The following SLCO4C1 variants were observed in gnomAD, a reference collection of about 807,000 sequenced individuals.
The protein encoded by SLCO4C1 is solute carrier organic anion transporter family member 4C1.
In SLCO4C1, 58 loss-of-function variants were observed where a neutral mutation model predicts 72.1. That is an observed-to-expected ratio of 0.80 (90% CI 0.65 to 1.00). SLCO4C1 has a LOEUF of 1.00. SLCO4C1 is among the 50% of genes least tolerant of loss of function. The probability of loss-of-function intolerance (pLI) is 0.00; values close to 1 mark genes in which losing one functional copy is unlikely to be tolerated. For missense variants in SLCO4C1, 898 were observed against 857.9 expected, an observed-to-expected ratio of 1.05 and a Z score of -0.58; for synonymous variants, 297 against 312.5, an observed-to-expected ratio of 0.95 and a Z score of 0.52.
At chr5:102,248,647 G>T (rs1170609002) in intron 9 of SLCO4C1, among the ~76,000 whole-genome samples, 1 of 151,850 alleles carries the variant, frequency 6.6e-6, no homozygotes, top group East Asian at 1.9e-4. Flanking sequence ...GCATTTATTG[G>T]TCATATATAC....
intron 1 of SLCO4C1, among the ~76,000 whole-genome samples, chr5:102,294,953 T>G (rs1277816681): frequency 1.3e-5 from 2 of 152,208 alleles, no homozygotes; most frequent in African/African-American, 4.8e-5. Flanking sequence ...CAGAAAATAT[T>G]CTCGGACTAT....
At chr5:102,242,985 A>G (rs981183028) in intron 10 of SLCO4C1, among the ~76,000 whole-genome samples, 1 of 152,168 alleles carries the variant, frequency 6.6e-6, no homozygotes, top group Non-Finnish European at 1.5e-5. Flanking sequence ...CTGAAGGGTG[A>G]GTCCCAGCCC....
At chr5:102,261,882 C>A (rs759802600) in intron 5 of SLCO4C1, 30 bp downstream of exon 5, 3 of 1,585,264 alleles carry the variant, frequency 1.9e-6, no homozygotes, top group Non-Finnish European at 2.6e-6. Flanking sequence ...TTAAAATAAA[C>A]CTCTCTGGTT....
Position 102,260,200 on chromosome 5 carries a change from A to G in SLCO4C1, c.1128+13T>C. 1 of 1,116,024 alleles carries G rather than the reference A, an allele frequency of 9.0e-7. No homozygotes were observed. The highest frequency in any genetic ancestry group is 1.2e-6 in the Non-Finnish European group (1 of 827,520). 69.1% of individuals were successfully genotyped at this position (1,116,024 alleles called of 1,614,324 possible). ...TGAGACTGAGAGAGAGACAGAGAAG[A>G]ATTTTATTTTACCTTTAGAGCAGCT... On this transcript the variant is annotated intron_variant, in intron 6 of 12. Coordinates refer to ENST00000310954, the MANE Select transcript of SLCO4C1 (RefSeq NM_180991.5).
chr5:102,252,054 G>A (rs1449168805), intron 8 of SLCO4C1, among the ~76,000 whole-genome samples: 7 of 150,952 alleles, frequency 4.6e-5, no homozygotes, highest in Non-Finnish European at 8.9e-5. Flanking sequence ...GGAGAAAAGC[G>A]AGAAGGAAGG....
intron 3 of SLCO4C1, among the ~76,000 whole-genome samples, chr5:102,267,833 T>C (rs1343947585): frequency 6.6e-6 from 1 of 152,084 alleles, no homozygotes; most frequent in African/African-American, 2.4e-5. Flanking sequence ...AATTCCTTCT[T>C]AATTTCTTCA....
chr5:102,238,172 G>A (rs1474462021), intron 12 of SLCO4C1, among the ~76,000 whole-genome samples: 1 of 152,010 alleles, frequency 6.6e-6, no homozygotes, highest in African/African-American at 2.4e-5. Context: ...AAAATTTTAA[G>A]GTTTTATATA....
chr5:102,271,725 A>AT (rs1327443718), intron 2 of SLCO4C1, among the ~76,000 whole-genome samples: 1 of 151,934 alleles, frequency 6.6e-6, no homozygotes, highest in Non-Finnish European at 1.5e-5. Context: ...AATTAGTTCA[A>AT]TTTTCCTAGG....
At position 102,280,282 on chromosome 5, in the gene SLCO4C1, A is replaced by T. The variant is rs558113926; in HGVS notation, c.620-9476T>A. Among the ~76,000 whole-genome samples, 460 of 152,040 alleles carry T rather than the reference A, an allele frequency of 3.0e-3. 6 individuals carry two copies. The highest frequency in any genetic ancestry group is 0.023 in the South Asian group (113 of 4,816). ...AGAATACACAATAAAACATACAAAA[A>T]TCTACCGTATTTCCATATACTGGCA... On this transcript the variant is annotated intron_variant, in intron 2 of 12. Transcript: ENST00000310954.
chr5:102,241,812 T>C (rs184457151), intron 10 of SLCO4C1, among the ~76,000 whole-genome samples: 2 of 151,872 alleles, frequency 1.3e-5, no homozygotes, highest in African/African-American at 2.4e-5. Flanking sequence ...TGGAACAAGA[T>C]GATAGACTGA....
intron 3 of SLCO4C1, among the ~76,000 whole-genome samples, chr5:102,270,059 T>C (rs1481127296): frequency 6.6e-6 from 1 of 152,084 alleles, no homozygotes; most frequent in East Asian, 1.9e-4. Context: ...CTATGTTAGA[T>C]TAACAGACTG....
In SLCO4C1 at chr5:102,257,101, T is replaced by C. The variant is rs1184748676; in HGVS notation, c.1469+14A>G. On this transcript the variant is annotated intron_variant, in intron 8 of 12. Transcript: ENST00000310954. ...TTCTGGTATTAATATCAAAAAGCAC[T>C]GAATTGTATTTACCCATTATATGAT... is the stretch of plus-strand genomic sequence containing the variant. 2.0e-6 allele frequency: 3 copies of C among 1,489,098 alleles called. No homozygotes were observed. The highest frequency in any genetic ancestry group is 2.4e-5 in the Admixed American group (1 of 42,060). The allele number at this position is 1,489,098 out of a possible 1,614,324, so 92.2% of individuals were successfully genotyped here.
Position 102,295,327 on chromosome 5 carries a change from G to C in SLCO4C1, c.355+581C>G, listed in dbSNP as rs117996831. 3.3e-4 allele frequency among the ~76,000 whole-genome samples: 51 copies of C among 152,270 alleles called. No homozygotes were observed. The East Asian group carries it at 7.9e-3, about 24-fold the overall frequency. ...GAAGATTAAGGCTCAACAACGTCGG[G>C]AGCCTTTGCTAATTTACTCACTGGG... On this transcript the variant is annotated intron_variant, in intron 1 of 12. Transcript: ENST00000310954.
At chr5:102,280,138 A>T (rs766006158) in intron 2 of SLCO4C1, among the ~76,000 whole-genome samples, 37 of 151,116 alleles carry the variant, frequency 2.4e-4, no homozygotes, top group Non-Finnish European at 4.9e-4. Flanking sequence ...TTAGTGCCAT[A>T]CAGAAGGTAC....
At chr5:102,272,948 AAAAGAAAG>A (rs376676176) in intron 2 of SLCO4C1, among the ~76,000 whole-genome samples, 71 of 151,848 alleles carry the variant, frequency 4.7e-4, no homozygotes, top group African/African-American at 1.6e-3. Flanking sequence ...TCATCTCAAA[AAAAGAAAG>A]AAAGAAAGAA....
chr5:102,256,482 T>G (rs143061871), intron 8 of SLCO4C1, among the ~76,000 whole-genome samples: 60 of 152,362 alleles, frequency 3.9e-4, no homozygotes, highest in African/African-American at 1.3e-3. Context: ...AGGTATAAAA[T>G]GCACTGCTGT....
Position 102,235,638 on chromosome 5 carries a change from C to T in SLCO4C1, c.*1220G>A, listed in dbSNP as rs115276030. 3.9e-3 allele frequency: 595 copies of T among 152,440 alleles called. 6 individuals are homozygous for T. Among genetic ancestry groups the T allele is most frequent in the African/African-American group, 0.013 (537 of 41,590 alleles). 9.4% of individuals were successfully genotyped at this position (152,440 alleles called of 1,614,324 possible). A position where few individuals can be genotyped will look rare whatever the true frequency, so the allele number is the denominator to read the frequency against. On this transcript the variant is annotated 3_prime_UTR_variant, in exon 13 of 13. Coordinates refer to ENST00000310954, the MANE Select transcript of SLCO4C1 (RefSeq NM_180991.5). ...GTGAGCTGAGAGGCAGGTGAGTGAG[C>T]ATTACTGCCTGAGCTCCACCTCTTG...
Position 102,236,601 on chromosome 5 carries a change from TG to T in SLCO4C1, c.*256del, listed in dbSNP as rs1561362702. On this transcript the variant is annotated 3_prime_UTR_variant, in exon 13 of 13. Transcript: ENST00000310954. The stretch of plus-strand genomic sequence containing the variant: ...GTGTGCGTGTGTGTGTGTGTGTGTG[TG>T]TTCGTGTGTGTGTGTGTGTGTGTGC... 1.0e-4 allele frequency: 35 copies of T among 347,602 alleles called. No individual in the cohort carries two copies. Among genetic ancestry groups the T allele is most frequent in the African/African-American group, 8.0e-4 (32 of 40,040 alleles). The allele number at this position is 347,602 out of a possible 1,614,324, so 21.5% of individuals were successfully genotyped here. A position where few individuals can be genotyped will look rare whatever the true frequency, so the allele number is the denominator to read the frequency against.
Position 102,240,753 on chromosome 5 carries a change from G to T in SLCO4C1, c.1841C>A (p.Ala614Asp). 1 of 1,611,756 alleles carries T rather than the reference G, an allele frequency of 6.2e-7. No homozygotes were observed. The highest frequency in any genetic ancestry group is 1.1e-5 in the South Asian group (1 of 90,774). The change falls in exon 11 of 13, where the codon GCC becomes GAC. Residue 614 changes from alanine (A) to aspartate (D), a missense_variant. Transcript: ENST00000310954. The stretch of plus-strand genomic sequence containing the variant: ...AAGGACCATAAATTGTATTCCCAAG[G>T]CTAGGGACCGTTGTCTGTGATTAAC... ...RCVNHRQRSL[A>D]LGIQFMVLRL...
Sources: gnomAD v4.1 joint callset for allele counts (sites outside exome capture counted in the v4.1 genomes callset) on GRCh38, gnomAD v4.1.1 for gene constraint, MANE v1.5 for transcripts, NCBI Gene and HGNC (gene_info 2026-07-23, HGNC 2026-07-21) for gene names.